Variants in NTRK2 observed in about 807,000 individuals in gnomAD.
NTRK2 encodes BDNF/NT-3 growth factors receptor.
A neutral mutation model predicts 94.5 loss-of-function variants in NTRK2; 13 were observed. That is an observed-to-expected ratio of 0.14 (90% confidence interval 0.09 to 0.22). NTRK2 has a LOEUF of 0.22. Ranked by LOEUF, NTRK2 falls within the 10% of genes least tolerant of loss-of-function variation. The pLI is 1.00. For synonymous variants in NTRK2, 372 were observed against 407.4 expected (o/e 0.91, Z 1.05); for missense variants, 639 against 1,071.2 (o/e 0.60, Z 5.63).
At chr9:84,703,133 A>G (rs886134502) in intron 4 of NTRK2, among the ~76,000 whole-genome samples, 1 of 152,192 alleles carries the variant, frequency 6.6e-6, no homozygotes. Flanking sequence ...TAAGTGCAGA[A>G]TATTTATGCA....
chr9:84,840,029 C>G (rs999545460), intron 12 of NTRK2, among the ~76,000 whole-genome samples: 1 of 151,976 alleles, frequency 6.6e-6, no homozygotes, highest in Non-Finnish European at 1.5e-5. Context: ...CTTTCTTCCT[C>G]CTCCTCCTCC....
intron 14 of NTRK2, among the ~76,000 whole-genome samples, chr9:84,923,997 G>A (rs1486739446): frequency 1.3e-5 from 2 of 152,046 alleles, no homozygotes; most frequent in Non-Finnish European, 2.9e-5. Flanking sequence ...TTTTTGTGGG[G>A]AGGGCACATG....
chr9:84,877,845 A>C (rs2076126808), intron 14 of NTRK2: 2 of 1,040,814 alleles, frequency 1.9e-6, no homozygotes, highest in Non-Finnish European at 2.3e-6. Flanking sequence ...TTTGTGATGT[A>C]GTTGATCATT....
At chr9:84,789,861 G>A (rs889485914) in intron 12 of NTRK2, among the ~76,000 whole-genome samples, 12 of 152,120 alleles carry the variant, frequency 7.9e-5, no homozygotes, top group African/African-American at 2.9e-4. Flanking sequence ...TTTGGTGATT[G>A]GTAACTAAAC....
At chr9:84,871,950 A>G in intron 14 of NTRK2, 1 of 1,595,682 alleles carries the variant, frequency 6.3e-7, no homozygotes, top group Non-Finnish European at 8.5e-7. Flanking sequence ...GTCACTCCTT[A>G]GCTTCCATAA....
At chr9:84,671,752 C>T (rs1454846320) in intron 2 of NTRK2, among the ~76,000 whole-genome samples, 1 of 152,192 alleles carries the variant, frequency 6.6e-6, no homozygotes, top group Non-Finnish European at 1.5e-5. Context: ...TAGCATTGGA[C>T]CTCTGTGTCC....
At chr9:84,909,662 C>T (rs2077180404) in intron 14 of NTRK2, among the ~76,000 whole-genome samples, 1 of 152,072 alleles carries the variant, frequency 6.6e-6, no homozygotes, top group Non-Finnish European at 1.5e-5. Flanking sequence ...TGCTTTCACC[C>T]TGCATTTCCC....
intron 14 of NTRK2, among the ~76,000 whole-genome samples, chr9:84,888,477 G>A (rs1321812063): frequency 1.3e-5 from 2 of 151,536 alleles, no homozygotes; most frequent in African/African-American, 4.9e-5. Flanking sequence ...GCTGGGCATG[G>A]TGGCAGGCAC....
chr9:85,021,625 C>A lies in NTRK2; in HGVS notation c.*188C>A, dbSNP rs963208312. ...TCTTCATCCATAGACACAGTATTGA[C>A]TTCTTTTTGGCATTATCTCTTTCTC... is the stretch of plus-strand genomic sequence containing the variant. On this transcript the variant is annotated 3_prime_UTR_variant, in exon 19 of 19. Coordinates refer to ENST00000277120, the MANE Select transcript of NTRK2 (RefSeq NM_006180.6). 7 of 644,340 alleles carry A rather than the reference C, an allele frequency of 1.1e-5. No homozygotes were observed. The highest frequency in any genetic ancestry group is 1.8e-5 in the African/African-American group (1 of 55,386). 39.9% of individuals were successfully genotyped at this position (644,340 alleles called of 1,614,324 possible).
In NTRK2 at chr9:84,882,723, C is replaced by T. The variant is rs963213194; in HGVS notation, c.1633+15292C>T. On this transcript the variant is annotated intron_variant, in intron 14 of 18. Coordinates refer to ENST00000277120, the MANE Select transcript of NTRK2 (RefSeq NM_006180.6). ...GTGTGTGTGTGTGTGTGTGTGTGCG[C>T]GCGCGCGCGCATGTGTGCATTATAA... Among the ~76,000 whole-genome samples, 481 of 136,736 alleles carry T rather than the reference C, an allele frequency of 3.5e-3. 2 individuals are homozygous for T. The highest frequency in any genetic ancestry group is 0.012 in the African/African-American group (445 of 36,030). The allele number at this position is 136,736 out of a possible 152,430, so 89.7% of individuals were successfully genotyped here.
intron 17 of NTRK2, among the ~76,000 whole-genome samples, chr9:84,971,514 A>C (rs1206044903): frequency 6.6e-6 from 1 of 152,204 alleles, no homozygotes; most frequent in African/African-American, 2.4e-5. Flanking sequence ...AGAGGAAACA[A>C]TGAGCAGGAA....
intron 14 of NTRK2, among the ~76,000 whole-genome samples, chr9:84,901,099 A>G (rs2076913172): frequency 6.6e-6 from 1 of 152,218 alleles, no homozygotes; most frequent in African/African-American, 2.4e-5. Context: ...TTTTTTCCCC[A>G]GCAGATAACT....
At chr9:84,903,393 T>G (rs2076988159) in intron 14 of NTRK2, among the ~76,000 whole-genome samples, 1 of 152,218 alleles carries the variant, frequency 6.6e-6, no homozygotes, top group Non-Finnish European at 1.5e-5. Context: ...AGAGAATTAG[T>G]TTAGAGCTGG....
At chr9:84,767,651 C>T (rs1351164096) in intron 12 of NTRK2, among the ~76,000 whole-genome samples, 2 of 152,108 alleles carry the variant, frequency 1.3e-5, no homozygotes, top group East Asian at 3.9e-4. Context: ...CTTAATCTCT[C>T]TATATTTTGG....
intron 9 of NTRK2, among the ~76,000 whole-genome samples, chr9:84,732,192 A>G (rs769454020): frequency 1.3e-5 from 2 of 152,206 alleles, no homozygotes; most frequent in African/African-American, 2.4e-5. Context: ...ATCAGACTAC[A>G]GGAGTTTTAT....
At chr9:84,966,181 C>A (rs905946453) in intron 17 of NTRK2, among the ~76,000 whole-genome samples, 1 of 152,140 alleles carries the variant, frequency 6.6e-6, no homozygotes, top group Non-Finnish European at 1.5e-5. Context: ...GTCTGAAATT[C>A]TTTTTATGCT....
Position 84,873,386 on chromosome 9 carries a change from A to C in NTRK2, c.1633+5955A>C, listed in dbSNP as rs201487770. ...AGAATGCACTTATTTTAGGATCCTT[A>C]AAAATTGCTTCTTTTATGGCACACT... On this transcript the variant is annotated intron_variant, in intron 14 of 18. Coordinates refer to ENST00000277120, the MANE Select transcript of NTRK2 (RefSeq NM_006180.6). The C allele has an allele frequency of 2.2e-5, 23 of 1,058,884 alleles. No homozygotes were observed. The South Asian group carries it at 8.7e-4, about 40-fold the overall frequency. 65.6% of individuals were successfully genotyped at this position (1,058,884 alleles called of 1,614,324 possible). A position where few individuals can be genotyped will look rare whatever the true frequency, so the allele number is the denominator to read the frequency against.
At chr9:84,698,449 G>A (rs1317863455) in intron 2 of NTRK2, among the ~76,000 whole-genome samples, 1 of 151,978 alleles carries the variant, frequency 6.6e-6, no homozygotes, top group Non-Finnish European at 1.5e-5. Context: ...GGACACTCGG[G>A]TTGTTCCAGC....
At chr9:84,822,990 C>G (rs1368628314) in intron 12 of NTRK2, among the ~76,000 whole-genome samples, 1 of 152,202 alleles carries the variant, frequency 6.6e-6, no homozygotes, top group Non-Finnish European at 1.5e-5. Context: ...ACACCCTGGA[C>G]ACTCCTGGCT....
Sources: allele counts gnomAD v4.1 joint callset (sites outside exome capture counted in the v4.1 genomes callset), GRCh38; gene constraint gnomAD v4.1.1; transcripts MANE v1.5; gene names NCBI Gene and HGNC (gene_info 2026-07-23, HGNC 2026-07-21).